The following BMPR2 variants were observed in gnomAD, a reference collection of about 807,000 sequenced individuals.
BMPR2 encodes the protein bone morphogenetic protein receptor type-2.
Under a neutral mutation model 100.8 loss-of-function variants are expected in BMPR2, and 29 were observed. The ratio of observed to expected loss-of-function variants is 0.29; its 90% CI spans 0.21 to 0.39. The LOEUF is 0.39. Among genes scored for constraint, BMPR2 ranks in the 10% least tolerant of loss-of-function variants. The probability of loss-of-function intolerance (pLI) is 1.00; values close to 1 mark genes in which losing one functional copy is unlikely to be tolerated. For synonymous variants in BMPR2, 382 were observed against 442.3 expected (o/e 0.86, Z 1.71); for missense variants, 1,011 against 1,274.5 (o/e 0.79, Z 3.15).
chr2:202,481,161 CTTCTCTT>C (rs922587656), intron 3 of BMPR2, among the ~76,000 whole-genome samples: 2 of 149,330 alleles, frequency 1.3e-5, no homozygotes, highest in Non-Finnish European at 3.0e-5. Context: ...TTTTCTTTCT[CTTCTCTT>C]TTCTCTTCTC....
At chr2:202,491,206 G>C (rs542452892) in intron 3 of BMPR2, among the ~76,000 whole-genome samples, 1 of 152,098 alleles carries the variant, frequency 6.6e-6, no homozygotes, top group African/African-American at 2.4e-5. Context: ...ACACAGATGC[G>C]CCACTACACC....
chr2:202,458,477 A>T (rs1316887), intron 1 of BMPR2, among the ~76,000 whole-genome samples: 6,903 of 149,080 alleles, frequency 0.046, 477 homozygotes, highest in African/African-American at 0.15. Context: ...CTCAAAAAAA[A>T]TTTTTTTTTT....
intron 1 of BMPR2, among the ~76,000 whole-genome samples, chr2:202,453,563 C>A (rs1441437368): frequency 6.6e-6 from 1 of 152,064 alleles, no homozygotes; most frequent in Non-Finnish European, 1.5e-5. Context: ...CACAGAAAGA[C>A]AAATTTTGCA....
At chr2:202,546,350 T>C (rs1276653210) in intron 10 of BMPR2, among the ~76,000 whole-genome samples, 1 of 152,268 alleles carries the variant, frequency 6.6e-6, no homozygotes, top group East Asian at 1.9e-4. Context: ...CAAATATTAA[T>C]GAATATAAAA....
chr2:202,500,740 G>A (rs977675707), intron 3 of BMPR2, among the ~76,000 whole-genome samples: 2 of 152,144 alleles, frequency 1.3e-5, no homozygotes, highest in Admixed American at 6.5e-5. Context: ...TCATTAATGA[G>A]GCAGTAATTC....
At chr2:202,444,980 G>A (rs759491111) in intron 1 of BMPR2, among the ~76,000 whole-genome samples, 2 of 150,064 alleles carry the variant, frequency 1.3e-5, no homozygotes, top group African/African-American at 2.5e-5. Context: ...TAGAGGTGGC[G>A]TTTCACCATA....
chr2:202,457,575 G>T (rs1373667533), intron 1 of BMPR2, among the ~76,000 whole-genome samples: 20 of 148,218 alleles, frequency 1.3e-4, no homozygotes, highest in African/African-American at 2.7e-4. Flanking sequence ...GAGAGAGAGA[G>T]AGAGAGAGAG....
At chr2:202,392,832 A>G (rs1448514142) in intron 1 of BMPR2, among the ~76,000 whole-genome samples, 1 of 151,962 alleles carries the variant, frequency 6.6e-6, no homozygotes, top group African/African-American at 2.4e-5. Context: ...GTCTCTACTA[A>G]AAATACAAAA....
At position 202,463,183 on chromosome 2, in the gene BMPR2, A is replaced by G. The variant is rs1433526936; in HGVS notation, c.77-1626A>G. ...AGTTTGAAAGGATGCCTGAGTAACC[A>G]AGAACAGTGGTTTCCTGGGGTGGAA... is the stretch of plus-strand genomic sequence containing the variant. On this transcript the variant is annotated intron_variant, in intron 1 of 12. Transcript: ENST00000374580. Among the ~76,000 whole-genome samples the G allele has an allele frequency of 2.4e-4, 37 of 152,208 alleles. 2 individuals carry two copies. The highest frequency in any genetic ancestry group is 2.4e-3 in the Admixed American group (37 of 15,274).
chr2:202,523,396 A>C (rs963972879), intron 7 of BMPR2, among the ~76,000 whole-genome samples: 2 of 152,228 alleles, frequency 1.3e-5, no homozygotes, highest in African/African-American at 4.8e-5. Context: ...ATCCAAAAGA[A>C]AGCAAATAAT....
intron 1 of BMPR2, among the ~76,000 whole-genome samples, chr2:202,410,479 CAAAAT>C: frequency 6.6e-6 from 1 of 152,206 alleles, no homozygotes; most frequent in East Asian, 1.9e-4. Context: ...AAAGCTAAGA[CAAAAT>C]AAATAATCAT....
At chr2:202,544,761 C>CTTTTTTTTTTTTTTTTT (rs56654364) in intron 10 of BMPR2, among the ~76,000 whole-genome samples, 21 of 82,666 alleles carry the variant, frequency 2.5e-4, no homozygotes, top group East Asian at 6.3e-4. Context: ...CTTTTTCTTT[C>CTTTTTTTTTTTTTTTTT]TTTTTTTTTT....
In BMPR2 at chr2:202,428,384, CTCTCTCTCTCTT is replaced by C. The variant is rs1281711934; in HGVS notation, c.77-36411_77-36400del. Among the ~76,000 whole-genome samples the C allele has an allele frequency of 6.4e-4, 88 of 137,082 alleles. 1 individual carries two copies. The highest frequency in any genetic ancestry group is 2.8e-3 in the African/African-American group (79 of 28,540). 89.9% of individuals were successfully genotyped at this position (137,082 alleles called of 152,430 possible). A position where few individuals can be genotyped will look rare whatever the true frequency, so the allele number is the denominator to read the frequency against. On this transcript the variant is annotated intron_variant, in intron 1 of 12. Coordinates refer to ENST00000374580, the MANE Select transcript of BMPR2 (RefSeq NM_001204.7). ...CGAGTCTGTCTCTCTCCTTCTGTTTCTCTCTCTCTCTTTCTCTCTCTCTTTTTTTTTTAAGAG... is the reference window on the plus strand; with the variant it reads ...CGAGTCTGTCTCTCTCCTTCTGTTTCTCTCTCTCTCTTTTTTTTTTAAGAG...
intron 1 of BMPR2, among the ~76,000 whole-genome samples, chr2:202,419,089 G>C (rs971535867): frequency 6.6e-6 from 1 of 152,182 alleles, no homozygotes; most frequent in African/African-American, 2.4e-5. Context: ...AGGTCCCTCA[G>C]ATAGAAATTT....
At chr2:202,428,645 G>A (rs1056124507) in intron 1 of BMPR2, among the ~76,000 whole-genome samples, 4 of 152,012 alleles carry the variant, frequency 2.6e-5, no homozygotes, top group East Asian at 3.9e-4. Flanking sequence ...GGGCTGAAGC[G>A]ATCCTGCCTG....
intron 1 of BMPR2, among the ~76,000 whole-genome samples, chr2:202,418,123 G>C (rs372546145): frequency 2.0e-5 from 3 of 152,060 alleles, no homozygotes; most frequent in Non-Finnish European, 2.9e-5. Flanking sequence ...GTGATTTGCC[G>C]TACTGTGATA....
rs1424768717 is a variant in BMPR2 at position 202,480,556 on chromosome 2, G to C, written c.418+12867G>C. Among the ~76,000 whole-genome samples the C allele has an allele frequency of 3.3e-5, 5 of 152,134 alleles. No individual in the cohort carries two copies. In the East Asian group the frequency reaches 7.7e-4, roughly 23 times the overall value. The stretch of plus-strand genomic sequence containing the variant: ...AGTTAATTTTTGTATATGGCATGAG[G>C]TAGGGAGTCCAACTTCATTCTTTTG... On this transcript the variant is annotated intron_variant, in intron 3 of 12. Transcript: ENST00000374580.
chr2:202,422,595 C>T (rs770031429), intron 1 of BMPR2, among the ~76,000 whole-genome samples: 6 of 151,002 alleles, frequency 4.0e-5, no homozygotes, highest in Non-Finnish European at 5.9e-5. Context: ...CGTGAGCCAT[C>T]GTGCCCGGCC....
chr2:202,518,000 A>AT (rs1330265442), intron 5 of BMPR2, among the ~76,000 whole-genome samples: 2 of 69,906 alleles, frequency 2.9e-5, no homozygotes, highest in African/African-American at 1.1e-4. Flanking sequence ...TTTTTTTTGT[A>AT]TTTTTTTAGT....
Sources: gnomAD v4.1 joint callset for allele counts (sites outside exome capture counted in the v4.1 genomes callset) on GRCh38, gnomAD v4.1.1 for gene constraint, MANE v1.5 for transcripts, NCBI Gene and HGNC (gene_info 2026-07-23, HGNC 2026-07-21) for gene names.